KANK4: variants seen among roughly 807,000 people sequenced by gnomAD.
KANK4 encodes KN motif and ankyrin repeat domain-containing protein 4.
Under a neutral mutation model 80.8 loss-of-function variants are expected in KANK4, and 50 were observed. That is an observed-to-expected ratio of 0.62 (90% CI 0.49 to 0.78). The LOEUF is 0.78. KANK4 is among the 30% of genes least tolerant of loss of function. The pLI, the probability that KANK4 is intolerant of heterozygous loss-of-function variation, is 0.00. For missense variants in KANK4, 1,196 were observed against 1,240.1 expected (o/e 0.96, Z 0.53); for synonymous variants, 465 against 506.9 (o/e 0.92, Z 1.11).
intron 4 of KANK4, among the ~76,000 whole-genome samples, chr1:62,269,207 G>A (rs1156748341): frequency 6.6e-6 from 1 of 152,234 alleles, no homozygotes; most frequent in Non-Finnish European, 1.5e-5. Context: ...ACTCTGTTGA[G>A]TTGGCAGACC....
intron 9 of KANK4, among the ~76,000 whole-genome samples, chr1:62,241,135 G>C (rs775575432): frequency 6.6e-6 from 1 of 151,980 alleles, no homozygotes; most frequent in Non-Finnish European, 1.5e-5. Flanking sequence ...CAGGCAGGAA[G>C]TGTAGGAAGT....
intron 2 of KANK4, among the ~76,000 whole-genome samples, chr1:62,281,310 A>C (rs1672445946): frequency 6.6e-6 from 1 of 152,254 alleles, no homozygotes; most frequent in South Asian, 2.1e-4. Context: ...GATCAAAGAC[A>C]TTAAATGACT....
At position 62,295,242 on chromosome 1, in the gene KANK4, G is replaced by A. The variant is rs537534720; in HGVS notation, c.-70-13608C>T. On this transcript the variant is annotated intron_variant, in intron 1 of 9. Transcript: ENST00000371153. ...CAACCTTCACCTCCCGGGTTCAAGCGATTCTCCTGCCTCAGCCTCCCAAGT... is the reference window on the plus strand; with the variant it reads ...CAACCTTCACCTCCCGGGTTCAAGCAATTCTCCTGCCTCAGCCTCCCAAGT... Among the ~76,000 whole-genome samples, 4 of 152,168 alleles carry A rather than the reference G, an allele frequency of 2.6e-5. 1 individual carries two copies. Among genetic ancestry groups the A allele is most frequent in the South Asian group, 2.1e-4 (1 of 4,812 alleles).
At position 62,284,087 on chromosome 1, in the gene KANK4, G is replaced by T. The variant is rs138979897; in HGVS notation, c.-70-2453C>A. 4.6e-3 allele frequency among the ~76,000 whole-genome samples: 693 copies of T among 152,186 alleles called. 5 individuals are homozygous for T. Among genetic ancestry groups the T allele is most frequent in the Middle Eastern group, 0.031 (9 of 294 alleles). ...GGAAGGAAGGAAGGAGGGATCTGTC[G>T]TGTGCACAAGTCACCACTTCCAGCC... On this transcript the variant is annotated intron_variant, in intron 1 of 9. Coordinates refer to ENST00000371153, the MANE Select transcript of KANK4 (RefSeq NM_181712.5).
At chr1:62,241,722 G>C (rs966750664) in intron 9 of KANK4, among the ~76,000 whole-genome samples, 2 of 152,150 alleles carry the variant, frequency 1.3e-5, no homozygotes, top group African/African-American at 4.8e-5. Context: ...TTTTAAGCAG[G>C]GAGTCCTGTA....
At chr1:62,247,447 C>T (rs1450125892) in intron 9 of KANK4, 25 bp downstream of exon 9, 3 of 1,610,568 alleles carry the variant, frequency 1.9e-6, no homozygotes, top group East Asian at 4.5e-5. Context: ...GCAACAGCTA[C>T]TTGTTAATTG....
At chr1:62,279,208 A>G (rs879327015) in intron 2 of KANK4, among the ~76,000 whole-genome samples, 52 of 137,154 alleles carry the variant, frequency 3.8e-4, no homozygotes, top group African/African-American at 5.1e-4. Flanking sequence ...GCACACACAC[A>G]CACACACACA....
chr1:62,277,124 A>G lies in KANK4; in HGVS notation c.17-2037T>C, dbSNP rs564161003. 2.6e-5 allele frequency among the ~76,000 whole-genome samples: 4 copies of G among 152,354 alleles called. No individual in the cohort carries two copies. The South Asian group carries it at 8.3e-4, about 32-fold the overall frequency. On this transcript the variant is annotated intron_variant, in intron 2 of 9. Transcript: ENST00000371153. ...AGCCTCTGCCTTCAAAGGATTTATG[A>G]TGAGGCAGGAGAGACACAAACACAT...
At chr1:62,309,364 A>G (rs1644480010) in intron 1 of KANK4, among the ~76,000 whole-genome samples, 2 of 152,224 alleles carry the variant, frequency 1.3e-5, no homozygotes, top group African/African-American at 2.4e-5. Context: ...GGAGGATACC[A>G]GCTTTCAGAC....
At chr1:62,297,919 T>G (rs563313228) in intron 1 of KANK4, among the ~76,000 whole-genome samples, 4 of 152,374 alleles carry the variant, frequency 2.6e-5, no homozygotes, top group Non-Finnish European at 5.9e-5. Context: ...TGTCAAATTT[T>G]CCATTAGAAA....
chr1:62,291,180 C>A (rs1202224652), intron 1 of KANK4, among the ~76,000 whole-genome samples: 1 of 152,148 alleles, frequency 6.6e-6, no homozygotes, highest in Non-Finnish European at 1.5e-5. Context: ...TCCCCAATGA[C>A]TAATTGTGTT....
chr1:62,242,150 T>G (rs1028502250), intron 9 of KANK4, among the ~76,000 whole-genome samples: 4 of 146,102 alleles, frequency 2.7e-5, no homozygotes, highest in African/African-American at 9.9e-5. Flanking sequence ...ACTGAAGAGA[T>G]GGGGAACTAG....
intron 7 of KANK4, among the ~76,000 whole-genome samples, chr1:62,260,300 TTC>T (rs1277629909): frequency 6.6e-6 from 1 of 151,988 alleles, no homozygotes. Flanking sequence ...CTCTCTCTGA[TTC>T]TCTGTCAGTC....
intron 8 of KANK4, among the ~76,000 whole-genome samples, chr1:62,249,163 C>CAAAAAAAA (rs10695105): frequency 1.5e-4 from 21 of 136,382 alleles, no homozygotes; most frequent in African/African-American, 5.2e-4. Context: ...AAATCTGTCT[C>CAAAAAAAA]AAAAAAAAAA....
At chr1:62,276,513 T>G (rs1370508914) in intron 2 of KANK4, among the ~76,000 whole-genome samples, 2 of 152,080 alleles carry the variant, frequency 1.3e-5, no homozygotes, top group Non-Finnish European at 2.9e-5. Flanking sequence ...CGGTGGTTCA[T>G]GCCTGTAATC....
At chr1:62,264,551 G>C (rs1244864751) in intron 6 of KANK4, among the ~76,000 whole-genome samples, 1 of 152,140 alleles carries the variant, frequency 6.6e-6, no homozygotes, top group African/African-American at 2.4e-5. Context: ...ACCTTCCATG[G>C]CTCTACAGAG....
chr1:62,237,961 AAT>A lies in KANK4; in HGVS notation c.*314_*315del, dbSNP rs1671243798. On this transcript the variant is annotated 3_prime_UTR_variant, in exon 10 of 10. Transcript: ENST00000371153. ...GCTCCTGCCTGCCTGCTTGCTACAC[AAT>A]GTTACAGAGGGTAGAGTCATGAGGA... 1 of 254,528 alleles carries A rather than the reference AAT, an allele frequency of 3.9e-6. No individual in the cohort carries two copies. The highest frequency in any genetic ancestry group is 7.5e-6 in the Non-Finnish European group (1 of 133,002). The allele number at this position is 254,528 out of a possible 1,614,324, so 15.8% of individuals were successfully genotyped here. A position where few individuals can be genotyped will look rare whatever the true frequency, so the allele number is the denominator to read the frequency against.
chr1:62,256,777 C>T (rs1483452702), intron 7 of KANK4, among the ~76,000 whole-genome samples: 2 of 152,190 alleles, frequency 1.3e-5, no homozygotes, highest in African/African-American at 4.8e-5. Context: ...CATTTATCAG[C>T]AGTTTTCCCT....
chr1:62,278,357 C>T (rs370839848), intron 2 of KANK4, among the ~76,000 whole-genome samples: 5,223 of 22,184 alleles, frequency 0.24, 698 homozygotes, highest in East Asian at 0.48. Context: ...TCCTTCCTTC[C>T]TTCCTTCCTT....
Sources: gnomAD v4.1 joint callset for allele counts (sites outside exome capture counted in the v4.1 genomes callset) on GRCh38, gnomAD v4.1.1 for gene constraint, MANE v1.5 for transcripts, NCBI Gene and HGNC (gene_info 2026-07-23, HGNC 2026-07-21) for gene names.